Variants in ANXA5 observed in about 807,000 individuals in gnomAD.
The protein encoded by ANXA5 is annexin A5.
ANXA5 carries 40 observed loss-of-function variants against 48.1 expected under a neutral mutation model. The ratio of observed to expected loss-of-function variants is 0.83; its 90% CI spans 0.65 to 1.08. The LOEUF (loss-of-function observed/expected upper bound fraction) is 1.08, where lower values mean the gene tolerates loss of function less well. Ranked by LOEUF, ANXA5 falls within the 50% of genes least tolerant of loss-of-function variation. The pLI is 0.00. For synonymous variants in ANXA5, 113 were observed against 129.1 expected (o/e 0.88, Z 0.85); for missense variants, 357 against 376.8 (o/e 0.95, Z 0.44).
At chr4:121,670,987 C>T (rs1025193162) in intron 10 of ANXA5, among the ~76,000 whole-genome samples, 1 of 152,110 alleles carries the variant, frequency 6.6e-6, no homozygotes, top group Non-Finnish European at 1.5e-5. Flanking sequence ...TAGATTCTCC[C>T]TAGCTTTGGA....
chr4:121,683,616 C>T (rs1032988169), intron 4 of ANXA5, 139 bp from the exon 5 acceptor site: 1 of 511,858 alleles, frequency 2.0e-6, no homozygotes, highest in Non-Finnish European at 3.5e-6. Context: ...CTAAACAAAA[C>T]CCTATAACCT....
rs1274326356 is a variant in ANXA5 at position 121,683,450 on chromosome 4, G to C, written c.217C>G (p.Leu73Val). 6 of 1,609,946 alleles carry C rather than the reference G, an allele frequency of 3.7e-6. No individual in the cohort carries two copies. The highest frequency in any genetic ancestry group is 5.1e-6 in the Non-Finnish European group (6 of 1,177,262). ...RDLLDDLKSE[L>V]TGKFEKLIVA... ...ATTAATTTTTCAAATTTTCCAGTTA[G>C]TTCTGATTTCAGGTCATCCAGAAGA... is the stretch of plus-strand genomic sequence containing the variant. The change falls in exon 5 of 13, where the codon CTA becomes GTA. Residue 73 changes from leucine to valine, a missense_variant. Leu to Val is a conservative substitution (Grantham distance 32). Coordinates refer to ENST00000296511, the MANE Select transcript of ANXA5 (RefSeq NM_001154.4).
In ANXA5 at chr4:121,684,774, G is replaced by A. The variant is rs1206349648; in HGVS notation, c.95-3C>T. On this transcript the variant is annotated splice_region_variant and splice_polypyrimidine_tract_variant and intron_variant, in intron 3 of 12. Transcript: ENST00000296511. ...CAGGATGCTCTCCTCATCTGTGCCT[G>A]CAATTTATGGTTAACAATTACATTT... The A allele has an allele frequency of 1.2e-6, 2 of 1,612,442 alleles. No individual in the cohort carries two copies. The highest frequency in any genetic ancestry group is 1.7e-5 in the Admixed American group (1 of 59,850).
At chr4:121,669,751 G>C in intron 11 of ANXA5, 27 bp from the exon 12 acceptor site, 7 of 1,574,530 alleles carry the variant, frequency 4.4e-6, no homozygotes, top group Non-Finnish European at 6.0e-6. Flanking sequence ...AAAGAGAGAA[G>C]CAAAATGCTT....
chr4:121,683,519 G>C (rs1166353941), intron 4 of ANXA5, 42 bp from the exon 5 acceptor site: 1 of 1,130,828 alleles, frequency 8.8e-7, no homozygotes, highest in South Asian at 1.3e-5. Context: ...AGCAGAAATT[G>C]TAATAAGATT....
chr4:121,681,629 G>A (rs1724793994), intron 6 of ANXA5, 42 bp downstream of exon 6: 1 of 1,338,390 alleles, frequency 7.5e-7, no homozygotes, highest in South Asian at 1.2e-5. Context: ...TGAAGGAAGT[G>A]ATAGTGGAGG....
intron 2 of ANXA5, among the ~76,000 whole-genome samples, chr4:121,692,187 C>T (rs13136094): frequency 0.44 from 66,584 of 151,880 alleles, 16,123 homozygotes; most frequent in East Asian, 0.73. Context: ...AAATCAAATG[C>T]AAGGGAAAAA....
chr4:121,669,222 A>G (rs986129139), intron 12 of ANXA5: 2 of 173,438 alleles, frequency 1.2e-5, no homozygotes, highest in South Asian at 1.5e-4. Flanking sequence ...AGATAAGGTG[A>G]TAACAGACGA....
chr4:121,679,521 A>G (rs900730163), intron 6 of ANXA5, among the ~76,000 whole-genome samples: 2 of 152,130 alleles, frequency 1.3e-5, no homozygotes, highest in Non-Finnish European at 2.9e-5. Context: ...CCAAATTCCT[A>G]ATCCAGTCAT....
Position 121,683,444 on chromosome 4 carries a change from C to T in ANXA5, c.223G>A (p.Gly75Arg). 6.2e-7 allele frequency: 1 copy of T among 1,610,362 alleles called. No homozygotes were observed. Residue 75 changes from glycine (G) to arginine (R), a missense_variant, in exon 5 of 13, where the codon GGA becomes AGA. By Grantham distance (125) the Gly-to-Arg change is moderately radical. Coordinates refer to ENST00000296511, the MANE Select transcript of ANXA5 (RefSeq NM_001154.4). ...LLDDLKSELT[G>R]KFEKLIVALM... ...GCCACAATTAATTTTTCAAATTTTC[C>T]AGTTAGTTCTGATTTCAGGTCATCC...
rs904469601 is a variant in ANXA5 at position 121,668,508 on chromosome 4, T to C, written c.923A>G (p.Tyr308Cys). 5 of 1,613,392 alleles carry C rather than the reference T, an allele frequency of 3.1e-6. No homozygotes were observed. In the African/African-American group the frequency reaches 4.0e-5, roughly 13 times the overall value. ...ACAGAGCAGCAGAAGAGCTTTCTTA[T>C]AGTCCCCAGATGTATCTCCCTGAAA... ...SMIKGDTSGD[Y>C]KKALLLLCGE... The change falls in exon 13 of 13, where the codon TAT becomes TGT. Residue 308 changes from tyrosine to cysteine, a missense_variant. By Grantham distance (194) the Tyr-to-Cys change is radical. Coordinates refer to ENST00000296511, the MANE Select transcript of ANXA5 (RefSeq NM_001154.4).
chr4:121,679,514 A>G (rs1220039908), intron 6 of ANXA5, among the ~76,000 whole-genome samples: 4 of 152,090 alleles, frequency 2.6e-5, no homozygotes, highest in Non-Finnish European at 4.4e-5. Context: ...ATTAAGTCCA[A>G]ATTCCTAATC....
chr4:121,683,706 A>C (rs1373516599), intron 4 of ANXA5, among the ~76,000 whole-genome samples: 1 of 152,142 alleles, frequency 6.6e-6, no homozygotes, highest in Non-Finnish European at 1.5e-5. Flanking sequence ...TTGTTTCTAA[A>C]AGATGTTTTT....
At chr4:121,691,398 A>G (rs1724981996) in intron 2 of ANXA5, among the ~76,000 whole-genome samples, 1 of 152,198 alleles carries the variant, frequency 6.6e-6, no homozygotes, top group African/African-American at 2.4e-5. Context: ...TTAGACATAA[A>G]TAACAATTTC....
intron 8 of ANXA5, among the ~76,000 whole-genome samples, chr4:121,674,202 G>C (rs1405584239): frequency 1.8e-5 from 2 of 110,928 alleles, no homozygotes; most frequent in Non-Finnish European, 3.9e-5. Flanking sequence ...GGGGAGGGGA[G>C]GGAGAGGGGC....
At chr4:121,675,309 T>A (rs1212178522) in intron 8 of ANXA5, among the ~76,000 whole-genome samples, 4 of 152,204 alleles carry the variant, frequency 2.6e-5, no homozygotes, top group Non-Finnish European at 5.9e-5. Flanking sequence ...GTGCCAGGTA[T>A]CAGTAGAGAC....
chr4:121,696,582 T>A lies in ANXA5; in HGVS notation c.8A>T (p.Gln3Leu). MA[Q>L]VLRGTVTDFP... is the part of the protein sequence containing the mutation. ...GCAGTGGGGGGCGCACGGCCTTACC[T>A]GTGCCATGGCGACTACTCAGGTCAG... is the stretch of plus-strand genomic sequence containing the variant. The change falls in exon 2 of 13, where the codon CAG becomes CTG. Residue 3 changes from glutamine to leucine, a missense_variant and splice_region_variant. Gln to Leu is a moderately radical substitution (Grantham distance 113). Coordinates refer to ENST00000296511, the MANE Select transcript of ANXA5 (RefSeq NM_001154.4). The A allele has an allele frequency of 7.0e-7, 1 of 1,428,432 alleles. No individual in the cohort carries two copies. The highest frequency in any genetic ancestry group is 9.3e-7 in the Non-Finnish European group (1 of 1,080,312). The allele number at this position is 1,428,432 out of a possible 1,614,324, so 88.5% of individuals were successfully genotyped here. A position where few individuals can be genotyped will look rare whatever the true frequency, so the allele number is the denominator to read the frequency against.
chr4:121,695,924 A>G (rs902491733), intron 2 of ANXA5, among the ~76,000 whole-genome samples: 15 of 151,960 alleles, frequency 9.9e-5, no homozygotes, highest in Middle Eastern at 6.8e-3. Context: ...AAAAAAAAAA[A>G]CAGTAAAGAA....
chr4:121,673,295 A>C (rs1168380231), intron 8 of ANXA5, among the ~76,000 whole-genome samples: 1 of 152,234 alleles, frequency 6.6e-6, no homozygotes, highest in African/African-American at 2.4e-5. Flanking sequence ...CTGCCTAAAA[A>C]AATAAGCTTA....
Sources: allele counts gnomAD v4.1 joint callset (sites outside exome capture counted in the v4.1 genomes callset), GRCh38; gene constraint gnomAD v4.1.1; transcripts MANE v1.5; gene names NCBI Gene and HGNC (gene_info 2026-07-23, HGNC 2026-07-21).